ZBTB16: variants seen among roughly 807,000 people sequenced by gnomAD.
ZBTB16 encodes zinc finger and BTB domain-containing protein 16.
A neutral mutation model predicts 56.8 loss-of-function variants in ZBTB16; 8 were observed. The ratio of observed to expected loss-of-function variants is 0.14; its 90% confidence interval spans 0.08 to 0.25. The LOEUF is 0.25. ZBTB16 is among the 10% of genes least tolerant of loss of function. ZBTB16 has a pLI of 1.00. For missense variants in ZBTB16, 625 were observed against 903.0 expected, an observed-to-expected ratio of 0.69 and a Z score of 3.95; for synonymous variants, 363 against 368.5, an observed-to-expected ratio of 0.98 and a Z score of 0.17.
chr11:114,196,436 T>G (rs149040762), intron 4 of ZBTB16, among the ~76,000 whole-genome samples: 1 of 101,632 alleles, frequency 9.8e-6, no homozygotes, highest in Non-Finnish European at 2.1e-5. Flanking sequence ...GTTCTGAGGC[T>G]GGGAAGCTTA....
At chr11:114,090,584 A>C (rs1293962935) in intron 2 of ZBTB16, among the ~76,000 whole-genome samples, 1 of 152,208 alleles carries the variant, frequency 6.6e-6, no homozygotes, top group Non-Finnish European at 1.5e-5. Flanking sequence ...AGGTCTAGGC[A>C]GGCAAGAGCT....
At chr11:114,178,699 G>C (rs1364937637) in intron 3 of ZBTB16, among the ~76,000 whole-genome samples, 1 of 152,184 alleles carries the variant, frequency 6.6e-6, no homozygotes, top group African/African-American at 2.4e-5. Flanking sequence ...GAGAGGGACT[G>C]CAGGATCCCA....
intron 2 of ZBTB16, among the ~76,000 whole-genome samples, chr11:114,116,876 C>T (rs1273530477): frequency 6.6e-6 from 1 of 152,124 alleles, no homozygotes; most frequent in Non-Finnish European, 1.5e-5. Flanking sequence ...AAACTTGACC[C>T]TCGTCCCCAA....
intron 4 of ZBTB16, among the ~76,000 whole-genome samples, chr11:114,233,474 C>T (rs916281085): frequency 2.6e-5 from 4 of 151,896 alleles, no homozygotes; most frequent in African/African-American, 9.7e-5. Flanking sequence ...GCCCCTGCAC[C>T]CTAGAAAGGG....
At chr11:114,109,740 G>A in intron 2 of ZBTB16, among the ~76,000 whole-genome samples, 1 of 152,220 alleles carries the variant, frequency 6.6e-6, no homozygotes, top group South Asian at 2.1e-4. Flanking sequence ...GCTGTCTGGG[G>A]GCCATCCTTC....
chr11:114,124,556 C>CAAAAAAAAAAAAAAAAAAAAA (rs1565638067), intron 2 of ZBTB16, among the ~76,000 whole-genome samples: 4 of 79,620 alleles, frequency 5.0e-5, no homozygotes, highest in African/African-American at 9.2e-5. Flanking sequence ...AAAAAAAAAA[C>CAAAAAAAAAAAAAAAAAAAAA]CAAAAAAAAA....
chr11:114,083,983 T>G (rs1221117313), intron 2 of ZBTB16, among the ~76,000 whole-genome samples: 1 of 152,118 alleles, frequency 6.6e-6, no homozygotes, highest in Non-Finnish European at 1.5e-5. Context: ...TCAGGGTGAT[T>G]ATATTTCGTG....
At chr11:114,121,820 T>C in intron 2 of ZBTB16, 1 of 455,900 alleles carries the variant, frequency 2.2e-6, no homozygotes, top group Non-Finnish European at 4.4e-6. Context: ...CAATGCAGGG[T>C]CTTCTAGCAT....
intron 2 of ZBTB16, among the ~76,000 whole-genome samples, chr11:114,131,559 G>A: frequency 6.6e-6 from 1 of 152,118 alleles, no homozygotes. Flanking sequence ...GCCCTCCAGT[G>A]AATGCCCAAA....
intron 4 of ZBTB16, among the ~76,000 whole-genome samples, chr11:114,234,798 G>C (rs987413461): frequency 6.6e-6 from 1 of 152,204 alleles, no homozygotes. Flanking sequence ...GTGGGAGTCA[G>C]CCTGATGCTG....
At position 114,186,961 on chromosome 11, in the gene ZBTB16, A is replaced by G. The variant is rs1271170009; in HGVS notation, c.1376A>G (p.Lys459Arg). Residue 459 changes from lysine to arginine, a missense_variant, in exon 4 of 7, where the codon AAA (lysine) becomes AGA (arginine). Coordinates refer to ENST00000335953, the MANE Select transcript of ZBTB16 (RefSeq NM_006006.6). ...CTCTCCTTTCTTTCAGCGGGTGCCA[A>G]AGCCTTTGTCTGTGATCAGTGCGGT... ...MHLLAHSAGA[K>R]AFVCDQCGAQ... 1 of 1,614,010 alleles carries G rather than the reference A, an allele frequency of 6.2e-7. No homozygotes were observed. The highest frequency in any genetic ancestry group is 8.5e-7 in the Non-Finnish European group (1 of 1,179,988).
rs375721232 is a variant in ZBTB16 at position 114,093,358 on chromosome 11, T to C, written c.1268+28790T>C. Reference sequence around the variant, plus strand: ...GGTGTGGAGGGGGGATGTTGCTGTTTCCCTGCTACAGAAAGGCCAGGCTTC... The same window carrying C: ...GGTGTGGAGGGGGGATGTTGCTGTTCCCCTGCTACAGAAAGGCCAGGCTTC... On this transcript the variant is annotated intron_variant, in intron 2 of 6. Coordinates refer to ENST00000335953, the MANE Select transcript of ZBTB16 (RefSeq NM_006006.6). Among the ~76,000 whole-genome samples the C allele has an allele frequency of 2.6e-5, 4 of 152,058 alleles. No individual in the cohort carries two copies. The South Asian group carries it at 6.2e-4, about 24-fold the overall frequency.
Position 114,104,641 on chromosome 11 carries a change from TAGG to T in ZBTB16, c.1268+40076_1268+40078del, listed in dbSNP as rs144906436. On this transcript the variant is annotated intron_variant, in intron 2 of 6. Coordinates refer to ENST00000335953, the MANE Select transcript of ZBTB16 (RefSeq NM_006006.6). ...GATGGACCTGCAGGAAGCTGAGAGA[TAGG>T]AGATCCTGTGGCCTGGGAACCCAGA... is the stretch of plus-strand genomic sequence containing the variant. Among the ~76,000 whole-genome samples, 208 of 152,286 alleles carry T rather than the reference TAGG, an allele frequency of 1.4e-3. 1 individual carries two copies. The highest frequency in any genetic ancestry group is 2.2e-3 in the Non-Finnish European group (152 of 68,022).
At chr11:114,065,348 T>A (rs779895685) in intron 2 of ZBTB16, among the ~76,000 whole-genome samples, 160 of 152,362 alleles carry the variant, frequency 1.1e-3, no homozygotes, top group Non-Finnish European at 3.5e-4. Context: ...TTATGACATG[T>A]TTGGTTCAGT....
Position 114,250,194 on chromosome 11 carries a change from G to A in ZBTB16, c.1793-132G>A. 1.0e-6 allele frequency: 1 copy of A among 964,430 alleles called. No individual in the cohort carries two copies. The highest frequency in any genetic ancestry group is 1.6e-6 in the Non-Finnish European group (1 of 615,048). The allele number at this position is 964,430 out of a possible 1,614,324, so 59.7% of individuals were successfully genotyped here. ...TGCCGTCTTGGGTGGTGCCTTCATT[G>A]TCCCAGAAAGTTCTGTTGGAGCAAG... is the stretch of plus-strand genomic sequence containing the variant. On this transcript the variant is annotated intron_variant, in intron 6 of 6. Coordinates refer to ENST00000335953, the MANE Select transcript of ZBTB16 (RefSeq NM_006006.6). This position sits in a 1 kb window ranked among gnomAD's most constrained non-coding sequence, Gnocchi z 6.0.
chr11:114,189,066 G>A (rs1411361351), intron 4 of ZBTB16: 4 of 152,176 alleles, frequency 2.6e-5, no homozygotes, highest in African/African-American at 7.2e-5. Context: ...CGTGTAGAGA[G>A]TGGTGAGGGA....
intron 2 of ZBTB16, among the ~76,000 whole-genome samples, chr11:114,089,223 C>T (rs1020346806): frequency 4.6e-5 from 7 of 152,030 alleles, no homozygotes; most frequent in African/African-American, 1.4e-4. Context: ...AAGGGTAGAT[C>T]CTGGAGGGAC....
intron 4 of ZBTB16, among the ~76,000 whole-genome samples, chr11:114,228,784 A>G (rs1944380426): frequency 6.6e-6 from 1 of 152,218 alleles, no homozygotes; most frequent in South Asian, 2.1e-4. Flanking sequence ...GCCTTCTGGC[A>G]GCTTCCCCCG....
chr11:114,105,191 A>C lies in ZBTB16; in HGVS notation c.1268+40623A>C, dbSNP rs112120891. On this transcript the variant is annotated intron_variant, in intron 2 of 6. Transcript: ENST00000335953. Reference sequence around the variant, plus strand: ...ATTTTTTGAAAAAGCCTGTGAGTGGAGCCTGGCTCGACAGCCCAAAACGCT... The same window carrying C: ...ATTTTTTGAAAAAGCCTGTGAGTGGCGCCTGGCTCGACAGCCCAAAACGCT... Among the ~76,000 whole-genome samples, 40 of 151,506 alleles carry C rather than the reference A, an allele frequency of 2.6e-4. 1 individual carries two copies. Among genetic ancestry groups the C allele is most frequent in the Admixed American group, 1.7e-3 (26 of 15,236 alleles).
Sources: gnomAD v4.1 joint callset for allele counts (sites outside exome capture counted in the v4.1 genomes callset) on GRCh38, gnomAD v4.1.1 for gene constraint, Gnocchi (gnomAD v3.1) non-coding constraint, MANE v1.5 for transcripts, NCBI Gene and HGNC (gene_info 2026-07-23, HGNC 2026-07-21) for gene names.